Variants in LY86 observed in about 807,000 individuals in gnomAD.
LY86 encodes lymphocyte antigen 86.
In LY86, 20 loss-of-function variants were observed where a neutral mutation model predicts 17.3. That is an observed-to-expected ratio of 1.15 (90% CI 0.81 to 1.68). LY86 has a LOEUF of 1.68. Ranked by LOEUF, LY86 falls within the 40% of genes most tolerant of loss-of-function variation. The pLI is 0.00. For missense variants in LY86, 200 were observed against 191.9 expected, an observed-to-expected ratio of 1.04 and a Z score of -0.25; for synonymous variants, 74 against 70.6, an observed-to-expected ratio of 1.05 and a Z score of -0.24.
intron 3 of LY86, among the ~76,000 whole-genome samples, chr6:6,642,887 G>T (rs572216546): frequency 1.6e-4 from 25 of 152,324 alleles, no homozygotes; most frequent in Non-Finnish European, 2.8e-4. Context: ...CGGAGACGAT[G>T]CTCTTGGTTG....
intron 1 of LY86, among the ~76,000 whole-genome samples, chr6:6,613,765 A>G (rs890647873): frequency 1.3e-5 from 2 of 152,246 alleles, no homozygotes; most frequent in Non-Finnish European, 2.9e-5. Context: ...GGAGGCCCCA[A>G]GAGCGAGCGA....
At chr6:6,613,776 G>A (rs1330420225) in intron 1 of LY86, among the ~76,000 whole-genome samples, 1 of 152,236 alleles carries the variant, frequency 6.6e-6, no homozygotes, top group Non-Finnish European at 1.5e-5. Context: ...GAGCGAGCGA[G>A]GGCTGCCAGC....
chr6:6,608,246 A>G (rs1306876024), intron 1 of LY86, among the ~76,000 whole-genome samples: 2 of 152,268 alleles, frequency 1.3e-5, no homozygotes, highest in Non-Finnish European at 2.9e-5. Flanking sequence ...ATATAATATG[A>G]CTTTGTCTAC....
chr6:6,646,375 T>C (rs1762107169), intron 3 of LY86, among the ~76,000 whole-genome samples: 1 of 152,156 alleles, frequency 6.6e-6, no homozygotes, highest in Non-Finnish European at 1.5e-5. Flanking sequence ...CAGTAATCAC[T>C]GAGGGGCTGG....
intron 1 of LY86, among the ~76,000 whole-genome samples, chr6:6,591,693 G>A (rs1161879331): frequency 6.6e-6 from 1 of 152,176 alleles, no homozygotes; most frequent in African/African-American, 2.4e-5. Context: ...TATCCCCAGG[G>A]TCACAGAGAA....
intron 3 of LY86, among the ~76,000 whole-genome samples, chr6:6,647,145 C>G (rs189495438): frequency 2.8e-4 from 42 of 152,358 alleles, no homozygotes; most frequent in South Asian, 4.1e-4. Flanking sequence ...GTATCTACAC[C>G]TGAACTCATT....
intron 1 of LY86, among the ~76,000 whole-genome samples, chr6:6,600,587 CAAAAAAAA>C (rs59560744): frequency 3.6e-5 from 3 of 82,460 alleles, no homozygotes; most frequent in African/African-American, 5.1e-5. Context: ...GAGACTCCAT[CAAAAAAAA>C]AAAAAAAAAA....
At chr6:6,634,037 C>T (rs1405641107) in intron 3 of LY86, among the ~76,000 whole-genome samples, 1 of 152,130 alleles carries the variant, frequency 6.6e-6, no homozygotes, top group Non-Finnish European at 1.5e-5. Flanking sequence ...CTTAATTATG[C>T]CTTATTCATG....
intron 3 of LY86, among the ~76,000 whole-genome samples, chr6:6,632,854 C>T (rs528272521): frequency 6.6e-6 from 1 of 152,258 alleles, no homozygotes; most frequent in East Asian, 1.9e-4. Flanking sequence ...CACCCTAGCC[C>T]ACAATAGTCT....
chr6:6,605,486 T>C (rs1281971775), intron 1 of LY86, among the ~76,000 whole-genome samples: 1 of 152,244 alleles, frequency 6.6e-6, no homozygotes, highest in African/African-American at 2.4e-5. Flanking sequence ...CAATAGCTAT[T>C]AGCCAGAGAT....
At chr6:6,619,414 C>T (rs969010514) in intron 1 of LY86, among the ~76,000 whole-genome samples, 57 of 152,204 alleles carry the variant, frequency 3.7e-4, no homozygotes, top group Admixed American at 6.5e-4. Context: ...TAACACACCC[C>T]CCCATTATTA....
At chr6:6,644,155 G>A (rs554083174) in intron 3 of LY86, among the ~76,000 whole-genome samples, 1 of 152,210 alleles carries the variant, frequency 6.6e-6, no homozygotes, top group Non-Finnish European at 1.5e-5. Flanking sequence ...AATGGGGAGA[G>A]GGTTGCCTAA....
intron 1 of LY86, among the ~76,000 whole-genome samples, chr6:6,611,685 G>C (rs1030266715): frequency 6.6e-6 from 1 of 152,188 alleles, no homozygotes; most frequent in Non-Finnish European, 1.5e-5. Context: ...TACGCTGCGC[G>C]CCGGTCGTGT....
intron 3 of LY86, among the ~76,000 whole-genome samples, chr6:6,627,132 A>G (rs1761804245): frequency 6.6e-6 from 1 of 151,986 alleles, no homozygotes; most frequent in Admixed American, 6.6e-5. Flanking sequence ...CTTCCCCAGG[A>G]GTGGTTCTCT....
At chr6:6,651,948 C>A (rs528106229) in intron 4 of LY86, among the ~76,000 whole-genome samples, 15 of 148,054 alleles carry the variant, frequency 1.0e-4, no homozygotes, top group African/African-American at 3.7e-4. Flanking sequence ...CGCAGCCACT[C>A]GGGAGGCTGA....
chr6:6,647,402 T>TG (rs1184866192), intron 3 of LY86, among the ~76,000 whole-genome samples: 1 of 151,672 alleles, frequency 6.6e-6, no homozygotes, highest in Non-Finnish European at 1.5e-5. Flanking sequence ...TTCAGTTATC[T>TG]TTTTTTTTCT....
intron 1 of LY86, among the ~76,000 whole-genome samples, chr6:6,603,611 A>C (rs78633651): frequency 0.029 from 3,586 of 123,480 alleles, 168 homozygotes; most frequent in Middle Eastern, 0.051. Flanking sequence ...AACAGAAAAA[A>C]AAACAAACAA....
chr6:6,645,686 C>T (rs1213319833), intron 3 of LY86, among the ~76,000 whole-genome samples: 1 of 151,848 alleles, frequency 6.6e-6, no homozygotes, highest in East Asian at 1.9e-4. Context: ...GCACACCAGT[C>T]CTTGTTCTTG....
chr6:6,654,384 G>C (rs954846536), intron 4 of LY86, among the ~76,000 whole-genome samples, 160 bp from the exon 5 acceptor site: 1 of 152,222 alleles, frequency 6.6e-6, no homozygotes, highest in African/African-American at 2.4e-5. Context: ...TCCCAGAGAT[G>C]CTGTCAGCTC....
Sources: allele counts gnomAD v4.1 joint callset (sites outside exome capture counted in the v4.1 genomes callset), GRCh38; gene constraint gnomAD v4.1.1; transcripts MANE v1.5; gene names NCBI Gene and HGNC (gene_info 2026-07-23, HGNC 2026-07-21).